Variants in CMSS1 observed in about 807,000 individuals in gnomAD.
CMSS1 encodes the protein protein CMSS1.
A neutral mutation model predicts 43.5 loss-of-function variants in CMSS1; 33 were observed. That is an observed-to-expected ratio of 0.76 (90% CI 0.57 to 1.01). CMSS1 has a LOEUF of 1.01. Ranked by LOEUF, CMSS1 falls within the 50% of genes least tolerant of loss-of-function variation. CMSS1 has a pLI of 0.00. For missense variants in CMSS1, 313 were observed against 326.4 expected, an observed-to-expected ratio of 0.96 and a Z score of 0.32; for synonymous variants, 115 against 117.2, an observed-to-expected ratio of 0.98 and a Z score of 0.12.
chr3:99,896,390 A>C (rs1706253089), intron 1 of CMSS1, among the ~76,000 whole-genome samples: 1 of 152,190 alleles, frequency 6.6e-6, no homozygotes, highest in African/African-American at 2.4e-5. Flanking sequence ...AACAGTCTGC[A>C]TGCCCCATTA....
At chr3:100,087,854 T>G (rs1311545124) in intron 1 of CMSS1, among the ~76,000 whole-genome samples, 2 of 134,268 alleles carry the variant, frequency 1.5e-5, no homozygotes, top group Non-Finnish European at 3.3e-5. Context: ...TTTTTTTTTT[T>G]GAGTCTCACT....
intron 1 of CMSS1, among the ~76,000 whole-genome samples, chr3:100,094,879 G>A (rs183149967): frequency 1.8e-4 from 27 of 151,666 alleles, no homozygotes; most frequent in Admixed American, 2.6e-4. Context: ...TAGTAGAGAC[G>A]GGGTTTTATC....
chr3:99,969,128 G>A (rs962388632), intron 1 of CMSS1, among the ~76,000 whole-genome samples: 2 of 152,158 alleles, frequency 1.3e-5, no homozygotes, highest in African/African-American at 2.4e-5. Context: ...GGAGGGCAGG[G>A]CAGGATCTTG....
intron 1 of CMSS1, among the ~76,000 whole-genome samples, chr3:99,989,402 CTAGTATCT>C (rs1709446365): frequency 6.6e-6 from 1 of 152,140 alleles, no homozygotes; most frequent in Non-Finnish European, 1.5e-5. Flanking sequence ...ACTTCCCATT[CTAGTATCT>C]AATAACCCAA....
chr3:100,013,214 G>GTGGTGTTGT (rs377072581), intron 1 of CMSS1, among the ~76,000 whole-genome samples: 21 of 145,522 alleles, frequency 1.4e-4, no homozygotes, highest in East Asian at 2.2e-4. Context: ...GGCCAGTGAG[G>GTGGTGTTGT]TGTTGTTGTT....
intron 1 of CMSS1, among the ~76,000 whole-genome samples, chr3:100,001,057 T>C (rs527643264): frequency 6.6e-6 from 1 of 152,266 alleles, no homozygotes; most frequent in South Asian, 2.1e-4. Flanking sequence ...ACACACACAC[T>C]CTTCCCAAAA....
chr3:99,926,460 A>G (rs989274603), intron 1 of CMSS1, among the ~76,000 whole-genome samples: 1 of 152,230 alleles, frequency 6.6e-6, no homozygotes, highest in Non-Finnish European at 1.5e-5. Context: ...TTTTATCTTC[A>G]GTTGCCCAAA....
chr3:100,161,051 A>G (rs1055873157), intron 3 of CMSS1, among the ~76,000 whole-genome samples: 1 of 152,178 alleles, frequency 6.6e-6, no homozygotes, highest in Non-Finnish European at 1.5e-5. Context: ...CTCATATACA[A>G]ACTTTTTTAT....
intron 1 of CMSS1, among the ~76,000 whole-genome samples, chr3:99,818,398 G>C (rs916588784): frequency 7.2e-5 from 11 of 152,178 alleles, no homozygotes; most frequent in Non-Finnish European, 1.6e-4. Context: ...CAGAAGCAGG[G>C]GTTGCTGCTT....
intron 1 of CMSS1, chr3:99,848,371 T>C (rs1429500199): frequency 6.2e-7 from 1 of 1,614,204 alleles, no homozygotes. Context: ...ATTGGTTGTT[T>C]TGTTTAGTGC....
intron 1 of CMSS1, among the ~76,000 whole-genome samples, chr3:100,130,902 G>T (rs1359540367): frequency 4.6e-5 from 7 of 152,160 alleles, no homozygotes; most frequent in Admixed American, 3.3e-4. Flanking sequence ...CATTTTAAGG[G>T]GTAGGTGAAA....
intron 2 of CMSS1, among the ~76,000 whole-genome samples, chr3:100,153,338 A>G (rs2107520597): frequency 6.6e-6 from 1 of 152,342 alleles, no homozygotes; most frequent in Non-Finnish European, 1.5e-5. Context: ...TTCATTCGAC[A>G]CAGTATTATT....
chr3:99,882,333 G>A (rs1705756176), intron 1 of CMSS1, among the ~76,000 whole-genome samples: 1 of 152,018 alleles, frequency 6.6e-6, no homozygotes, highest in South Asian at 2.1e-4. Context: ...CCTTTTGTCT[G>A]GCAACTTCTT....
chr3:99,952,109 C>G (rs1430944565), intron 1 of CMSS1, among the ~76,000 whole-genome samples: 2 of 151,946 alleles, frequency 1.3e-5, no homozygotes, highest in Non-Finnish European at 2.9e-5. Flanking sequence ...ATAGATTTGG[C>G]ACAGGCATCA....
intron 1 of CMSS1, among the ~76,000 whole-genome samples, chr3:100,007,919 T>TA (rs1185017882): frequency 6.6e-6 from 1 of 152,184 alleles, no homozygotes; most frequent in African/African-American, 2.4e-5. Context: ...TGCATATAGT[T>TA]ACTAGTTTTT....
At chr3:99,990,646 G>A (rs1185913248) in intron 1 of CMSS1, among the ~76,000 whole-genome samples, 1 of 152,032 alleles carries the variant, frequency 6.6e-6, no homozygotes, top group Non-Finnish European at 1.5e-5. Flanking sequence ...TAGAGATGAT[G>A]TCCTGGCATC....
At chr3:100,132,026 T>A (rs926725402) in intron 1 of CMSS1, among the ~76,000 whole-genome samples, 2 of 152,216 alleles carry the variant, frequency 1.3e-5, no homozygotes, top group Non-Finnish European at 2.9e-5. Flanking sequence ...TAAGCATAAC[T>A]GCAATGAAAA....
At chr3:99,875,265 C>CAAT (rs1469533702) in intron 1 of CMSS1, among the ~76,000 whole-genome samples, 4 of 152,116 alleles carry the variant, frequency 2.6e-5, no homozygotes, top group African/African-American at 4.8e-5. Context: ...TCATTGGTAG[C>CAAT]AATAGCCTCT....
intron 1 of CMSS1, among the ~76,000 whole-genome samples, chr3:100,030,864 T>C (rs1366360716): frequency 6.6e-6 from 1 of 152,212 alleles, no homozygotes; most frequent in Non-Finnish European, 1.5e-5. Flanking sequence ...TAAAGTGCAC[T>C]GTGGTAAAAT....
Sources: gnomAD v4.1 joint callset for allele counts (sites outside exome capture counted in the v4.1 genomes callset) on GRCh38, gnomAD v4.1.1 for gene constraint, MANE v1.5 for transcripts, NCBI Gene and HGNC (gene_info 2026-07-23, HGNC 2026-07-21) for gene names.